NOL4: variants seen among roughly 807,000 people sequenced by gnomAD.
NOL4 encodes nucleolar protein 4.
A neutral mutation model predicts 75.9 loss-of-function variants in NOL4; 17 were observed. The observed-to-expected ratio is 0.22, with a 90% CI of 0.15 to 0.34. NOL4 has a LOEUF of 0.34. Among genes scored for constraint, NOL4 ranks in the 10% least tolerant of loss-of-function variants. The pLI is 1.00. For missense variants in NOL4, 614 were observed against 793.5 expected (o/e 0.77, Z 2.72); for synonymous variants, 292 against 289.9 (o/e 1.01, Z -0.07).
At chr18:34,117,959 A>G (rs2079940520) in intron 2 of NOL4, among the ~76,000 whole-genome samples, 1 of 152,228 alleles carries the variant, frequency 6.6e-6, no homozygotes, top group African/African-American at 2.4e-5. Context: ...ATCAACCAAA[A>G]TTATACAATT....
At chr18:33,875,510 C>T (rs1332260494) in intron 10 of NOL4, among the ~76,000 whole-genome samples, 1 of 151,980 alleles carries the variant, frequency 6.6e-6, no homozygotes, top group Non-Finnish European at 1.5e-5. Flanking sequence ...TCCAATCGGG[C>T]AAGATTTTCT....
intron 6 of NOL4, among the ~76,000 whole-genome samples, chr18:33,972,529 G>T (rs2071156534): frequency 6.6e-6 from 1 of 152,116 alleles, no homozygotes; most frequent in South Asian, 2.1e-4. Context: ...GTAAAATCGT[G>T]CAACTAACAT....
intron 2 of NOL4, among the ~76,000 whole-genome samples, chr18:34,125,797 A>C (rs2080358184): frequency 6.6e-6 from 1 of 152,144 alleles, no homozygotes; most frequent in African/African-American, 2.4e-5. Flanking sequence ...ATTAATTTGA[A>C]ATTAGTTTAA....
chr18:34,186,378 A>C (rs1027650384), intron 1 of NOL4, among the ~76,000 whole-genome samples: 5 of 152,336 alleles, frequency 3.3e-5, no homozygotes, highest in African/African-American at 1.2e-4. Context: ...ACTAAAGTAT[A>C]ATGTAATACA....
intron 5 of NOL4, among the ~76,000 whole-genome samples, chr18:34,044,037 T>C (rs931980768): frequency 6.6e-6 from 1 of 152,162 alleles, no homozygotes; most frequent in Non-Finnish European, 1.5e-5. Context: ...TTACTGTGTA[T>C]GTGTATGAAA....
intron 9 of NOL4, among the ~76,000 whole-genome samples, chr18:33,894,423 C>T (rs924214433): frequency 2.6e-5 from 4 of 152,064 alleles, no homozygotes; most frequent in African/African-American, 9.7e-5. Flanking sequence ...AATGTGCTGT[C>T]CTTGCTGGCC....
At position 34,024,181 on chromosome 18, in the gene NOL4, G is replaced by GAAAA. The variant is rs200128545; in HGVS notation, c.773-4584_773-4581dup. 1.2e-3 allele frequency among the ~76,000 whole-genome samples: 106 copies of GAAAA among 86,844 alleles called. 1 individual carries two copies. Among genetic ancestry groups the GAAAA allele is most frequent in the African/African-American group, 1.7e-3 (38 of 22,856 alleles). The allele number at this position is 86,844 out of a possible 152,430, so 57.0% of individuals were successfully genotyped here. ...CAAGTGCCTTAGGCAAAATAAACAG[G>GAAAA]AAAAAAAAAAAAAATATATATATAT... On this transcript the variant is annotated intron_variant, in intron 5 of 10. Coordinates refer to ENST00000261592, the MANE Select transcript of NOL4 (RefSeq NM_003787.5).
chr18:34,095,628 G>T (rs920574065), intron 4 of NOL4, among the ~76,000 whole-genome samples: 1 of 152,062 alleles, frequency 6.6e-6, no homozygotes, highest in East Asian at 1.9e-4. Flanking sequence ...GAGTGAGGGC[G>T]TGTACTATAT....
In NOL4 at chr18:33,860,261, C is replaced by T. The variant is rs148246640; in HGVS notation, c.1724-7226G>A. ...ATTTGAGAGGAGATTTGGGTGAAGA[C>T]GCAGAGCCAAACCATATTCTGCCCC... On this transcript the variant is annotated intron_variant, in intron 10 of 10. Transcript: ENST00000261592. 5.0e-3 allele frequency among the ~76,000 whole-genome samples: 762 copies of T among 152,152 alleles called. 9 individuals are homozygous for T. Among genetic ancestry groups the T allele is most frequent in the African/African-American group, 0.017 (695 of 41,536 alleles).
At chr18:33,947,559 ATATC>A (rs749274887) in intron 8 of NOL4, among the ~76,000 whole-genome samples, 3 of 151,820 alleles carry the variant, frequency 2.0e-5, no homozygotes, top group Non-Finnish European at 2.9e-5. Flanking sequence ...ATACTATTTG[ATATC>A]TATCTCTCTC....
At chr18:34,102,140 G>A (rs931054144) in intron 4 of NOL4, among the ~76,000 whole-genome samples, 8 of 151,896 alleles carry the variant, frequency 5.3e-5, no homozygotes, top group African/African-American at 1.9e-4. Flanking sequence ...TAGTTCTAAA[G>A]GGAGTCCCAT....
intron 1 of NOL4, among the ~76,000 whole-genome samples, chr18:34,188,478 G>A (rs1488856960): frequency 6.6e-6 from 1 of 152,168 alleles, no homozygotes; most frequent in African/African-American, 2.4e-5. Flanking sequence ...ATTTAATACA[G>A]TACACCTAAC....
rs143012397 is a variant in NOL4, at chr18:33,853,905, T to C, written c.1724-870A>G. Among the ~76,000 whole-genome samples, 8 of 152,278 alleles carry C rather than the reference T, an allele frequency of 5.3e-5. No homozygotes were observed. The East Asian group carries it at 1.5e-3, about 29-fold the overall frequency. Reference sequence around the variant, plus strand: ...ACTTAAAAAGTATTTATAAAGTTATTTAAAATCTTTTATTCAGTCATTTGT... The same window carrying C: ...ACTTAAAAAGTATTTATAAAGTTATCTAAAATCTTTTATTCAGTCATTTGT... On this transcript the variant is annotated intron_variant, in intron 10 of 10. Coordinates refer to ENST00000261592, the MANE Select transcript of NOL4 (RefSeq NM_003787.5).
chr18:34,064,937 AC>A lies in NOL4; in HGVS notation c.772+28527del, dbSNP rs1568296090. On this transcript the variant is annotated intron_variant, in intron 5 of 10. Transcript: ENST00000261592. ...TTTTTTAACACACACACACACACAC[AC>A]ACACACACACACACATCATATGTGT... 1.1e-4 allele frequency among the ~76,000 whole-genome samples: 16 copies of A among 151,424 alleles called. 1 individual carries two copies. The highest frequency in any genetic ancestry group is 3.9e-4 in the Admixed American group (6 of 15,218).
chr18:34,019,651 G>C, intron 5 of NOL4, 50 bp from the exon 6 acceptor site: 2 of 1,528,072 alleles, frequency 1.3e-6, no homozygotes, highest in South Asian at 2.5e-5. Context: ...ATGCTATTCA[G>C]AGTCTACTTC....
intron 1 of NOL4, among the ~76,000 whole-genome samples, chr18:34,138,702 T>A (rs1259186353): frequency 1.3e-5 from 2 of 152,182 alleles, no homozygotes; most frequent in Admixed American, 1.3e-4. Context: ...GGCCAGAACT[T>A]CCAAGACTAT....
intron 5 of NOL4, among the ~76,000 whole-genome samples, chr18:34,067,091 T>C (rs560282868): frequency 2.0e-5 from 3 of 152,178 alleles, no homozygotes; most frequent in African/African-American, 4.8e-5. Flanking sequence ...GTTATATAGA[T>C]AGAAGAAAAG....
At chr18:34,023,438 AC>A in intron 5 of NOL4, 1 of 456,194 alleles carries the variant, frequency 2.2e-6, no homozygotes, top group Admixed American at 2.3e-5. Flanking sequence ...CTGCTTCCTT[AC>A]CCAACATAGT....
intron 1 of NOL4, among the ~76,000 whole-genome samples, chr18:34,142,379 C>T (rs530542470): frequency 6.6e-6 from 1 of 152,262 alleles, no homozygotes; most frequent in East Asian, 1.9e-4. Flanking sequence ...GACATATGCA[C>T]ATGTATGTTT....
Sources: gnomAD v4.1 joint callset for allele counts (sites outside exome capture counted in the v4.1 genomes callset) on GRCh38, gnomAD v4.1.1 for gene constraint, MANE v1.5 for transcripts, NCBI Gene and HGNC (gene_info 2026-07-23, HGNC 2026-07-21) for gene names.